Variants in ANKRD33 observed in about 807,000 individuals in gnomAD.
ANKRD33 encodes the protein photoreceptor ankyrin repeat protein.
ANKRD33 carries 20 observed loss-of-function variants against 20.6 expected under a neutral mutation model. That is an observed-to-expected ratio of 0.97 (90% confidence interval 0.68 to 1.41). The LOEUF (loss-of-function observed/expected upper bound fraction) is 1.41. Ranked by LOEUF, ANKRD33 falls within the 40% of genes most tolerant of loss-of-function variation. ANKRD33 has a pLI of 0.00. For synonymous variants in ANKRD33, 246 were observed against 245.0 expected (o/e 1.00, Z -0.04); for missense variants, 545 against 579.6 (o/e 0.94, Z 0.61).
At position 51,890,676 on chromosome 12, in the gene ANKRD33, C is replaced by T. The variant is rs764706850; in HGVS notation, c.730C>T (p.Arg244Trp). 33 of 1,605,612 alleles carry T rather than the reference C, an allele frequency of 2.1e-5. No homozygotes were observed. Among genetic ancestry groups the T allele is most frequent in the Middle Eastern group, 1.6e-4 (1 of 6,082 alleles). The change falls in exon 5 of 5, where the codon CGG becomes TGG. Residue 244 changes from arginine (R) to tryptophan (W), a missense_variant. Physicochemically the swap from Arg to Trp is moderately radical, Grantham distance 101. Coordinates refer to ENST00000301190, the MANE Select transcript of ANKRD33 (RefSeq NM_182608.4). ...TDSFDTVWRI[R>W]QLLRRPQVEQ... is the part of the protein sequence containing the mutation. Reference sequence around the variant, plus strand: ...CAGCTTCGACACCGTGTGGAGGATTCGGCAGCTGCTGAGGCGGCCCCAAGT... The same window carrying T: ...CAGCTTCGACACCGTGTGGAGGATTTGGCAGCTGCTGAGGCGGCCCCAAGT...
intron 1 of ANKRD33, 92 bp from the exon 2 acceptor site, chr12:51,888,476 C>A (rs1401325777): frequency 6.4e-7 from 1 of 1,566,812 alleles, no homozygotes; most frequent in African/African-American, 1.4e-5. Flanking sequence ...AAATGTTTTC[C>A]CTGGGGCAAG....
At chr12:51,889,911 G>A (rs907511401) in intron 4 of ANKRD33, 68 of 230,134 alleles carry the variant, frequency 3.0e-4, no homozygotes, top group African/African-American at 1.4e-3. Flanking sequence ...AGGCTTCCAG[G>A]GGATCCAGGG....
chr12:51,890,429 G>A (rs1227746626), intron 4 of ANKRD33, 155 bp from the exon 5 acceptor site: 1 of 1,515,244 alleles, frequency 6.6e-7, no homozygotes, highest in Admixed American at 2.0e-5. Context: ...TTAAACAGGA[G>A]GTTGCAACAC....
intron 4 of ANKRD33, chr12:51,890,296 C>A: frequency 1.5e-6 from 1 of 648,552 alleles, no homozygotes. Context: ...CCTGGGCAGC[C>A]TGCACCGCTG....
At chr12:51,889,288 A>G in intron 3 of ANKRD33, 84 bp from the exon 4 acceptor site, 3 of 1,608,258 alleles carry the variant, frequency 1.9e-6, no homozygotes, top group Non-Finnish European at 2.6e-6. Context: ...TCTACACCAG[A>G]CTCTGTCATG....
chr12:51,888,829 C>G lies in ANKRD33; in HGVS notation c.396+11C>G. 2 of 1,612,072 alleles carry G rather than the reference C, an allele frequency of 1.2e-6. No individual in the cohort carries two copies. Among genetic ancestry groups the G allele is most frequent in the Non-Finnish European group, 1.7e-6 (2 of 1,179,820 alleles). On this transcript the variant is annotated intron_variant, in intron 2 of 4. Coordinates refer to ENST00000301190, the MANE Select transcript of ANKRD33 (RefSeq NM_182608.4). ...GACAGCAATGGGAGGGTGAGATGTC[C>G]TGGCTTCCCAGAACAGCTGGGGGCA...
rs746339573 is a variant in ANKRD33 at position 51,889,120 on chromosome 12, C to T, written c.450C>T (p.Leu150=). ...GCTTCCAGAGTGTTGTGGCCCTGCT[C>T]AGCCACTGTCCTTTCCTTGATGTGA... is the stretch of plus-strand genomic sequence containing the variant. The part of the protein sequence containing the change: ...YHGFQSVVAL[L]SHCPFLDVNQ... Residue 150 remains leucine, a synonymous_variant, in exon 3 of 5, where the codon CTC becomes CTT. Coordinates refer to ENST00000301190, the MANE Select transcript of ANKRD33 (RefSeq NM_182608.4). The T allele has an allele frequency of 6.2e-7, 1 of 1,614,258 alleles. No individual in the cohort carries two copies. Among genetic ancestry groups the T allele is most frequent in the Non-Finnish European group, 8.5e-7 (1 of 1,180,042 alleles).
chr12:51,890,755 T>TGGCCCAGGCCCA lies in ANKRD33; in HGVS notation c.824_835dup (p.Ala275_Gln278dup). On this transcript the variant is annotated inframe_insertion, in exon 5 of 5. Transcript: ENST00000301190. Reference sequence around the variant, plus strand: ...GAGTGGCCGGCCTTGTCCGGGCTCGTGGCCCAGGCCCAGGCCCAGGCCCAG... The same window carrying TGGCCCAGGCCCA: ...GAGTGGCCGGCCTTGTCCGGGCTCGTGGCCCAGGCCCAGGCCCAGGCCCAGGCCCAGGCCCAG... 4 of 1,604,784 alleles carry TGGCCCAGGCCCA rather than the reference T, an allele frequency of 2.5e-6. No individual in the cohort carries two copies. The highest frequency in any genetic ancestry group is 1.3e-5 in the African/African-American group (1 of 75,060).
chr12:51,889,700 G>A (rs1436135469), intron 4 of ANKRD33: 5 of 855,522 alleles, frequency 5.8e-6, no homozygotes, highest in Non-Finnish European at 8.7e-6. Context: ...TCCTGCTATT[G>A]ATAGCTCAGA....
At chr12:51,889,534 G>GT (rs780589017) in intron 4 of ANKRD33, 52 bp downstream of exon 4, 1 of 1,598,162 alleles carries the variant, frequency 6.3e-7, no homozygotes, top group Non-Finnish European at 8.5e-7. Context: ...CTGGACCGGG[G>GT]TGTGTGGCCT....
At position 51,891,161 on chromosome 12, in the gene ANKRD33, C is replaced by G; in HGVS notation, c.1215C>G (p.Ser405=). 1 of 1,614,250 alleles carries G rather than the reference C, an allele frequency of 6.2e-7. No individual in the cohort carries two copies. The highest frequency in any genetic ancestry group is 2.2e-5 in the East Asian group (1 of 44,886). Reference sequence around the variant, plus strand: ...CCCAAGTCCCCAAGATCCTCCTCTCCAAGGCATCCTCATCCTCCCACCAGT... The same window carrying G: ...CCCAAGTCCCCAAGATCCTCCTCTCGAAGGCATCCTCATCCTCCCACCAGT... ...PRPQVPKILL[S]KASSSSHQCQ... The change falls in exon 5 of 5, where the codon TCC becomes TCG. Residue 405 remains serine, a synonymous_variant. Transcript: ENST00000301190.
rs539295180 is a variant in ANKRD33 at position 51,891,027 on chromosome 12, G to A, written c.1081G>A (p.Gly361Arg). ...TCCCCTGGTTCCCCAGTCCCCGCCA[G>A]GGAGTCCCCAGAGGTCCCCGTGGGT... The part of the protein sequence containing the change: ...PPPLVPQSPP[G>R]SPQRSPWVFV... Residue 361 changes from glycine to arginine, a missense_variant, in exon 5 of 5, where the codon GGG becomes AGG. Physicochemically the swap from Gly to Arg is moderately radical, Grantham distance 125. Coordinates refer to ENST00000301190, the MANE Select transcript of ANKRD33 (RefSeq NM_182608.4). 3.7e-6 allele frequency: 6 copies of A among 1,613,802 alleles called. No homozygotes were observed. In the African/African-American group the frequency reaches 8.0e-5, roughly 22 times the overall value.
rs189659044 is a variant in ANKRD33, at chr12:51,888,500, G to T, written c.146-68G>T. ...CCCTGGGGCAAGGGCTGTGCACTTCGCAGCTGCTGGGTCCCCTCCCTAGGA... is the reference window on the plus strand; with the variant it reads ...CCCTGGGGCAAGGGCTGTGCACTTCTCAGCTGCTGGGTCCCCTCCCTAGGA... On this transcript the variant is annotated intron_variant, in intron 1 of 4. Coordinates refer to ENST00000301190, the MANE Select transcript of ANKRD33 (RefSeq NM_182608.4). 45 of 1,555,300 alleles carry T rather than the reference G, an allele frequency of 2.9e-5. No homozygotes were observed. The African/African-American group carries it at 6.0e-4, about 21-fold the overall frequency.
Position 51,891,158 on chromosome 12 carries a change from C to T in ANKRD33, c.1212C>T (p.Leu404=), listed in dbSNP as rs1478199069. Residue 404 remains leucine, a synonymous_variant, in exon 5 of 5, where the codon CTC becomes CTT. Transcript: ENST00000301190. The stretch of plus-strand genomic sequence containing the variant: ...GGCCCCAAGTCCCCAAGATCCTCCT[C>T]TCCAAGGCATCCTCATCCTCCCACC... The part of the protein sequence containing the change: ...SPRPQVPKIL[L]SKASSSSHQC... 1.2e-6 allele frequency: 2 copies of T among 1,614,142 alleles called. No individual in the cohort carries two copies. Among genetic ancestry groups the T allele is most frequent in the African/African-American group, 2.7e-5 (2 of 74,936 alleles).
chr12:51,889,212 A>G lies in ANKRD33; in HGVS notation c.526+16A>G, dbSNP rs1333481223. On this transcript the variant is annotated intron_variant, in intron 3 of 4. Coordinates refer to ENST00000301190, the MANE Select transcript of ANKRD33 (RefSeq NM_182608.4). ...GCCCAAGCAGGTGTGAGGCTGCTGC[A>G]CCCCACTTCCGACAGCCCCCTTTTG... is the stretch of plus-strand genomic sequence containing the variant. 6.2e-7 allele frequency: 1 copy of G among 1,613,976 alleles called. No homozygotes were observed. Among genetic ancestry groups the G allele is most frequent in the Non-Finnish European group, 8.5e-7 (1 of 1,179,994 alleles).
intron 4 of ANKRD33, chr12:51,890,327 T>A (rs899387198): frequency 1.2e-6 from 1 of 861,850 alleles, no homozygotes; most frequent in African/African-American, 1.7e-5. Flanking sequence ...CTCCTTGGAT[T>A]GAGGAGATCC....
At chr12:51,889,603 A>C in intron 4 of ANKRD33, 121 bp downstream of exon 4, 3 of 1,463,494 alleles carry the variant, frequency 2.0e-6, no homozygotes, top group Non-Finnish European at 1.8e-6. Context: ...TATTTGCAGA[A>C]AGGAGAGAGG....
In ANKRD33 at chr12:51,888,630, G is replaced by T. The variant is rs755881373; in HGVS notation, c.208G>T (p.Ala70Ser). ...TCCCTGCCTGGAAGAGGAAGAGCTG[G>T]CATTGCACAGGAGACGGCTGGACAT... ...LVPCLEEEEL[A>S]LHRRRLDMSE... Residue 70 changes from alanine (A) to serine (S), a missense_variant, in exon 2 of 5, where the codon GCA (alanine) becomes TCA (serine). Transcript: ENST00000301190. 1 of 1,589,844 alleles carries T rather than the reference G, an allele frequency of 6.3e-7. No individual in the cohort carries two copies. Among genetic ancestry groups the T allele is most frequent in the Admixed American group, 1.8e-5 (1 of 54,706 alleles).
At chr12:51,889,648 GA>G (rs1940344783) in intron 4 of ANKRD33, 166 bp downstream of exon 4, 3 of 1,291,170 alleles carry the variant, frequency 2.3e-6, no homozygotes, top group South Asian at 1.5e-5. Flanking sequence ...CACCTTCCTG[GA>G]GGGGGGGGCA....
Sources: gnomAD v4.1 joint callset for allele counts on GRCh38, gnomAD v4.1.1 for gene constraint, MANE v1.5 for transcripts, NCBI Gene and HGNC (gene_info 2026-07-23, HGNC 2026-07-21) for gene names.